Variants in VAV2 observed in about 807,000 individuals in gnomAD.
VAV2 encodes guanine nucleotide exchange factor VAV2.
VAV2 carries 67 observed loss-of-function variants against 132.5 expected under a neutral mutation model. The observed-to-expected ratio is 0.51, with a 90% confidence interval of 0.42 to 0.62. The LOEUF is 0.62. Ranked by LOEUF, VAV2 falls within the 20% of genes least tolerant of loss-of-function variation. The pLI is 0.00. For missense variants in VAV2, 938 were observed against 1,153.6 expected, an observed-to-expected ratio of 0.81 and a Z score of 2.71; for synonymous variants, 492 against 443.5, an observed-to-expected ratio of 1.11 and a Z score of -1.37.
intron 2 of VAV2, among the ~76,000 whole-genome samples, chr9:133,886,889 A>G (rs2131956753): frequency 6.6e-6 from 1 of 152,332 alleles, no homozygotes; most frequent in Middle Eastern, 3.4e-3. Context: ...TGGACAGGAA[A>G]AGGTGTGTTC....
intron 4 of VAV2, among the ~76,000 whole-genome samples, chr9:133,831,085 A>G (rs1177438391): frequency 6.6e-6 from 1 of 152,100 alleles, no homozygotes; most frequent in African/African-American, 2.4e-5. Context: ...GAGGAATTCC[A>G]CCTTGCATTT....
chr9:133,768,258 G>A lies in VAV2; in HGVS notation c.2589+184C>T, dbSNP rs1022815187. ...GACCTTGGGTTCGTGGTAAACATCT[G>A]GAGCCTCGGTTTCCCCCTGTGAATG... is the stretch of plus-strand genomic sequence containing the variant. On this transcript the variant is annotated intron_variant, in intron 29 of 29. Transcript: ENST00000371850. This position sits in a 1 kb window ranked among gnomAD's most constrained non-coding sequence, Gnocchi z 5.3. Among the ~76,000 whole-genome samples, 3 of 152,172 alleles carry A rather than the reference G, an allele frequency of 2.0e-5. No homozygotes were observed. The South Asian group carries it at 6.2e-4, about 32-fold the overall frequency.
In VAV2 at chr9:133,788,762, C is replaced by A. The variant is rs2131612943; in HGVS notation, c.1275-276G>T. On this transcript the variant is annotated intron_variant, in intron 14 of 29. Coordinates refer to ENST00000371850, the MANE Select transcript of VAV2 (RefSeq NM_001134398.2). The surrounding 1 kb of genome is among the most constrained non-coding windows in gnomAD (Gnocchi z 5.3). ...TCCTGCATCCCCCACGCTGGCCTCC[C>A]ATGCAGCACTGACCCCCGACGGCTA... is the stretch of plus-strand genomic sequence containing the variant. Among the ~76,000 whole-genome samples, 1 of 152,234 alleles carries A rather than the reference C, an allele frequency of 6.6e-6. No individual in the cohort carries two copies. The highest frequency in any genetic ancestry group is 2.4e-5 in the African/African-American group (1 of 41,552).
intron 1 of VAV2, among the ~76,000 whole-genome samples, chr9:133,985,564 G>T (rs1051524364): frequency 2.0e-5 from 3 of 152,178 alleles, no homozygotes; most frequent in Non-Finnish European, 4.4e-5. Flanking sequence ...CTGCAGGCAT[G>T]AGCCATCGCG....
chr9:133,782,792 T>G (rs1294953083), intron 19 of VAV2, among the ~76,000 whole-genome samples: 2 of 152,232 alleles, frequency 1.3e-5, no homozygotes, highest in Admixed American at 1.3e-4. Flanking sequence ...CTGGGGCTGA[T>G]GATGGAGGTG....
At chr9:133,864,089 C>A (rs938562408) in intron 2 of VAV2, among the ~76,000 whole-genome samples, 2 of 152,188 alleles carry the variant, frequency 1.3e-5, no homozygotes, top group Admixed American at 6.5e-5. Context: ...CTTCCGATAT[C>A]GCAAATGTCA....
At chr9:133,906,173 A>G (rs1839645817) in intron 2 of VAV2, among the ~76,000 whole-genome samples, 1 of 152,196 alleles carries the variant, frequency 6.6e-6, no homozygotes, top group Non-Finnish European at 1.5e-5. Flanking sequence ...TGGCCCCTCC[A>G]TGGCCTGGGG....
At chr9:133,958,987 C>T (rs1303635714) in intron 1 of VAV2, among the ~76,000 whole-genome samples, 4 of 152,290 alleles carry the variant, frequency 2.6e-5, no homozygotes, top group African/African-American at 7.2e-5. Context: ...GCGGTGGGGG[C>T]CTCCCAGGGA....
chr9:133,981,379 G>A (rs1842688470), intron 1 of VAV2, among the ~76,000 whole-genome samples: 2 of 152,252 alleles, frequency 1.3e-5, no homozygotes, highest in Admixed American at 6.5e-5. Context: ...TTGGCGGCGA[G>A]AGGGGAGGGG....
chr9:133,950,046 C>T (rs1841504042), intron 1 of VAV2, among the ~76,000 whole-genome samples: 1 of 152,202 alleles, frequency 6.6e-6, no homozygotes, highest in Non-Finnish European at 1.5e-5. Context: ...CCACCCGCTG[C>T]CAGGGTCTGT....
chr9:133,974,951 AC>A (rs1842459023), intron 1 of VAV2, among the ~76,000 whole-genome samples: 1 of 152,060 alleles, frequency 6.6e-6, no homozygotes, highest in African/African-American at 2.4e-5. Flanking sequence ...AGCGGGCCTC[AC>A]CCACCCTCCT....
intron 2 of VAV2, among the ~76,000 whole-genome samples, chr9:133,874,651 C>G (rs1403495420): frequency 6.6e-6 from 1 of 152,112 alleles, no homozygotes; most frequent in Non-Finnish European, 1.5e-5. Flanking sequence ...TGGCCTCCCC[C>G]ACACCACCCC....
At chr9:133,791,747 C>G (rs774392681) in intron 13 of VAV2, 36 bp downstream of exon 13, 14 of 1,581,844 alleles carry the variant, frequency 8.9e-6, no homozygotes, top group Non-Finnish European at 1.2e-5. Context: ...ACGTCCTCAT[C>G]GACCTTCCCT....
chr9:133,778,922 C>T, intron 21 of VAV2, 33 bp from the exon 22 acceptor site: 1 of 1,604,374 alleles, frequency 6.2e-7, no homozygotes, highest in Non-Finnish European at 8.5e-7. Context: ...CTCAGTGACT[C>T]AGCAGCTCAC....
intron 13 of VAV2, among the ~76,000 whole-genome samples, chr9:133,791,471 G>A (rs1834457729): frequency 6.6e-6 from 1 of 152,144 alleles, no homozygotes; most frequent in Admixed American, 6.5e-5. Flanking sequence ...GGGGTCTTCT[G>A]TCTAGGCTTG....
intron 3 of VAV2, among the ~76,000 whole-genome samples, chr9:133,841,326 C>T (rs975034877): frequency 2.0e-5 from 3 of 151,956 alleles, no homozygotes; most frequent in Non-Finnish European, 2.9e-5. Flanking sequence ...AAAACCATCT[C>T]GGATGCAGCA....
At chr9:133,899,176 T>C (rs531582096) in intron 2 of VAV2, among the ~76,000 whole-genome samples, 1 of 151,896 alleles carries the variant, frequency 6.6e-6, no homozygotes, top group Non-Finnish European at 1.5e-5. Context: ...ATCTTTAGTC[T>C]GCCTCAGGGT....
chr9:133,776,248 G>A (rs554452353), intron 23 of VAV2, among the ~76,000 whole-genome samples, 168 bp from the exon 24 acceptor site: 311 of 152,338 alleles, frequency 2.0e-3, no homozygotes, highest in African/African-American at 6.9e-3. Context: ...CCCAAGGGTC[G>A]TGGCCAGGAC....
chr9:133,830,593 G>A (rs114694742), intron 4 of VAV2, among the ~76,000 whole-genome samples: 4,715 of 152,206 alleles, frequency 0.031, 234 homozygotes, highest in African/African-American at 0.11. Context: ...TCCCCAGTCC[G>A]GTGGAACTGA....
Sources: gnomAD v4.1 joint callset for allele counts (sites outside exome capture counted in the v4.1 genomes callset) on GRCh38, gnomAD v4.1.1 for gene constraint, Gnocchi (gnomAD v3.1) non-coding constraint, MANE v1.5 for transcripts, NCBI Gene and HGNC (gene_info 2026-07-23, HGNC 2026-07-21) for gene names.